PTPRD: variants seen among roughly 807,000 people sequenced by gnomAD.
PTPRD encodes protein tyrosine phosphatase receptor type D.
PTPRD carries 34 observed loss-of-function variants against 214.5 expected under a neutral mutation model. That is an observed-to-expected ratio of 0.16 (90% CI 0.12 to 0.21). PTPRD has a LOEUF of 0.21. Among genes scored for constraint, PTPRD ranks in the 10% least tolerant of loss-of-function variants. PTPRD has a pLI of 1.00. For missense variants in PTPRD, 2,545 were observed against 2,398.7 expected, an observed-to-expected ratio of 1.06 and a Z score of -1.27; for synonymous variants, 1,128 against 845.7, an observed-to-expected ratio of 1.33 and a Z score of -5.79.
intron 12 of PTPRD, among the ~76,000 whole-genome samples, chr9:8,716,690 C>T (rs527863699): frequency 6.6e-5 from 10 of 150,760 alleles, no homozygotes; most frequent in African/African-American, 1.7e-4. Flanking sequence ...TCAAAGGATC[C>T]GGAGCATGCA....
intron 3 of PTPRD, among the ~76,000 whole-genome samples, chr9:10,085,190 A>G (rs2098313378): frequency 6.6e-6 from 1 of 151,898 alleles, no homozygotes; most frequent in African/African-American, 2.4e-5. Flanking sequence ...TATGCATAAT[A>G]TTTGTGTAAT....
chr9:10,517,675 A>T (rs989077953), intron 2 of PTPRD, among the ~76,000 whole-genome samples: 2 of 152,032 alleles, frequency 1.3e-5, no homozygotes, highest in South Asian at 2.1e-4. Context: ...TTTATGTAAC[A>T]CCTCTCATTT....
At chr9:9,294,826 T>C (rs1218918050) in intron 9 of PTPRD, among the ~76,000 whole-genome samples, 2 of 151,718 alleles carry the variant, frequency 1.3e-5, no homozygotes, top group African/African-American at 4.8e-5. Flanking sequence ...CCATGTGCAC[T>C]ATTAAGATTA....
intron 11 of PTPRD, among the ~76,000 whole-genome samples, chr9:8,884,880 A>T (rs1427543201): frequency 6.6e-6 from 1 of 152,204 alleles, no homozygotes; most frequent in African/African-American, 2.4e-5. Context: ...TACATACTGC[A>T]CATCTGGATT....
intron 11 of PTPRD, among the ~76,000 whole-genome samples, chr9:8,806,090 A>AT (rs1216324491): frequency 1.2e-4 from 18 of 151,330 alleles, no homozygotes; most frequent in Admixed American, 3.3e-4. Context: ...TGCCCAGCTA[A>AT]TTTTTTGTAT....
intron 2 of PTPRD, among the ~76,000 whole-genome samples, chr9:10,387,020 C>T (rs984646457): frequency 2.0e-5 from 3 of 151,458 alleles, no homozygotes; most frequent in Non-Finnish European, 1.5e-5. Context: ...TGGAAGGGGG[C>T]CATGAGTCAA....
chr9:8,585,266 T>C (rs1241924324), intron 14 of PTPRD, among the ~76,000 whole-genome samples: 3 of 152,110 alleles, frequency 2.0e-5, no homozygotes, highest in African/African-American at 7.2e-5. Flanking sequence ...GACAGATGCT[T>C]GAAGATAGAT....
At chr9:9,135,295 A>G (rs1186958729) in intron 10 of PTPRD, among the ~76,000 whole-genome samples, 1 of 152,222 alleles carries the variant, frequency 6.6e-6, no homozygotes, top group Non-Finnish European at 1.5e-5. Flanking sequence ...GTAGAAAAAT[A>G]CATTCAATAT....
At chr9:10,521,960 T>C (rs1434102895) in intron 2 of PTPRD, among the ~76,000 whole-genome samples, 1 of 152,154 alleles carries the variant, frequency 6.6e-6, no homozygotes, top group African/African-American at 2.4e-5. Flanking sequence ...CTGCACTCTC[T>C]CTGAGGTATG....
intron 11 of PTPRD, among the ~76,000 whole-genome samples, chr9:8,794,628 G>A (rs894436639): frequency 6.6e-6 from 1 of 150,648 alleles, no homozygotes; most frequent in African/African-American, 2.4e-5. Context: ...ACAGGCATGT[G>A]TCATGGCCCC....
At chr9:10,200,887 G>T (rs907301996) in intron 3 of PTPRD, among the ~76,000 whole-genome samples, 4 of 152,046 alleles carry the variant, frequency 2.6e-5, no homozygotes, top group African/African-American at 7.2e-5. Context: ...AGGAAACTAA[G>T]TAAACTTCCT....
intron 12 of PTPRD, among the ~76,000 whole-genome samples, chr9:8,709,048 G>A (rs2098270120): frequency 6.6e-6 from 1 of 151,960 alleles, no homozygotes; most frequent in Admixed American, 6.6e-5. Context: ...CTGAAAAACT[G>A]ATTTCATAGA....
chr9:8,918,884 G>C (rs1321631979), intron 11 of PTPRD, among the ~76,000 whole-genome samples: 4 of 152,008 alleles, frequency 2.6e-5, no homozygotes, highest in Non-Finnish European at 4.4e-5. Flanking sequence ...AGTCATATTT[G>C]TTGCTTTTTG....
intron 2 of PTPRD, among the ~76,000 whole-genome samples, chr9:10,497,760 T>C (rs975302436): frequency 1.3e-5 from 2 of 151,978 alleles, no homozygotes; most frequent in African/African-American, 4.8e-5. Flanking sequence ...GTAATATATA[T>C]TTACGAATGA....
intron 10 of PTPRD, among the ~76,000 whole-genome samples, chr9:9,175,604 C>G (rs1240493123): frequency 9.0e-6 from 1 of 111,212 alleles, no homozygotes; most frequent in Non-Finnish European, 1.7e-5. Context: ...GCTTGGGCAA[C>G]AGAGTGAGAC....
chr9:9,012,663 A>C (rs1440182956), intron 11 of PTPRD, among the ~76,000 whole-genome samples: 1 of 152,196 alleles, frequency 6.6e-6, no homozygotes, highest in African/African-American at 2.4e-5. Flanking sequence ...GGAGATTTAC[A>C]GAATAGTATT....
At chr9:9,952,232 G>A (rs1402542296) in intron 4 of PTPRD, among the ~76,000 whole-genome samples, 1 of 152,154 alleles carries the variant, frequency 6.6e-6, no homozygotes, top group Non-Finnish European at 1.5e-5. Flanking sequence ...ACGTGGCTAT[G>A]TTCTTTTGTC....
chr9:10,027,675 T>A (rs1051524441), intron 4 of PTPRD, among the ~76,000 whole-genome samples: 1 of 152,146 alleles, frequency 6.6e-6, no homozygotes, highest in South Asian at 2.1e-4. Context: ...CTTGTCATGG[T>A]TATGGCAAAA....
At chr9:8,421,242 G>C in intron 35 of PTPRD, among the ~76,000 whole-genome samples, 1 of 152,104 alleles carries the variant, frequency 6.6e-6, no homozygotes, top group Non-Finnish European at 1.5e-5. Flanking sequence ...AGGAGATGCA[G>C]AGAAAACCAA....
Sources: gnomAD v4.1 joint callset for allele counts (sites outside exome capture counted in the v4.1 genomes callset) on GRCh38, gnomAD v4.1.1 for gene constraint, MANE v1.5 for transcripts, NCBI Gene and HGNC (gene_info 2026-07-23, HGNC 2026-07-21) for gene names.